The following UPF3B variants were observed in gnomAD, a reference collection of about 807,000 sequenced individuals.
The protein encoded by UPF3B is regulator of nonsense transcripts 3B.
In UPF3B, 7 loss-of-function variants were observed where a neutral mutation model predicts 40.3. The observed-to-expected ratio is 0.17, with a 90% confidence interval of 0.10 to 0.33. The LOEUF (loss-of-function observed/expected upper bound fraction) is 0.33. UPF3B is among the 10% of genes least tolerant of loss of function. UPF3B has a pLI of 1.00. For synonymous variants in UPF3B, 117 were observed against 117.3 expected, an observed-to-expected ratio of 1.00 and a Z score of 0.01; for missense variants, 229 against 358.9, an observed-to-expected ratio of 0.64 and a Z score of 2.93.
At chrX:119,851,119 C>A (rs773606530) in intron 3 of UPF3B, among the ~76,000 whole-genome samples, 1 of 112,382 alleles carries the variant, frequency 8.9e-6, no homozygotes, top group Non-Finnish European at 1.9e-5. Context: ...GAACTGTTGG[C>A]TTAATGGATT....
At chrX:119,820,182 C>T (rs1057373609) in intron 4 of UPF3B, among the ~76,000 whole-genome samples, 24 of 111,419 alleles carry the variant, frequency 2.2e-4, no homozygotes, top group African/African-American at 7.5e-4. Flanking sequence ...CTCCCTCTGT[C>T]GCTCAGGCAG....
chrX:119,817,214 C>T (rs973266408), intron 4 of UPF3B, among the ~76,000 whole-genome samples: 2 of 111,461 alleles, frequency 1.8e-5, no homozygotes, highest in East Asian at 2.8e-4. Flanking sequence ...GGTGATCCAC[C>T]GGCCTTGGTA....
intron 5 of UPF3B, among the ~76,000 whole-genome samples, chrX:119,842,640 C>T (rs868119637): frequency 2.6e-4 from 20 of 76,963 alleles, no homozygotes; most frequent in Non-Finnish European, 2.1e-4. Flanking sequence ...AGAGAGAGAG[C>T]GAGCGAGCAA....
intron 5 of UPF3B, among the ~76,000 whole-genome samples, chrX:119,813,177 G>A (rs1204297546): frequency 8.9e-6 from 1 of 111,798 alleles, no homozygotes; most frequent in African/African-American, 3.2e-5. Context: ...AAAGCTCAAG[G>A]ATGTTGTCTA....
At chrX:119,840,714 G>A (rs2056151036) in intron 7 of UPF3B, 30 bp from the exon 8 acceptor site, 2 of 1,172,977 alleles carry the variant, frequency 1.7e-6, no homozygotes, top group Non-Finnish European at 2.3e-6. Flanking sequence ...AACAGATGAG[G>A]TAACTTCATG....
chrX:119,839,355 A>G (rs1366588517), intron 8 of UPF3B, among the ~76,000 whole-genome samples: 1 of 112,501 alleles, frequency 8.9e-6, no homozygotes, highest in Non-Finnish European at 1.9e-5. Context: ...GAGATTAATA[A>G]CAAGAATTAT....
intron 4 of UPF3B, among the ~76,000 whole-genome samples, chrX:119,844,057 T>C (rs1318991422): frequency 9.0e-6 from 1 of 111,596 alleles, no homozygotes; most frequent in Admixed American, 9.6e-5. Context: ...TTTCTTTCTT[T>C]CTTTTTTTTT....
chrX:119,846,450 C>T (rs1482432660), intron 3 of UPF3B, among the ~76,000 whole-genome samples: 1 of 104,755 alleles, frequency 9.5e-6, no homozygotes, highest in Non-Finnish European at 1.9e-5. Context: ...ATCACTTGAA[C>T]CTGGGAGGCG....
In UPF3B at chrX:119,852,955, G is replaced by C. The variant is rs1467104741; in HGVS notation, c.-27C>G. 1.7e-6 allele frequency: 2 copies of C among 1,210,451 alleles called. No homozygotes were observed. The highest frequency in any genetic ancestry group is 1.7e-5 in the African/African-American group (1 of 57,533). ...GCTACGTCCCCCGCTGAAGCGGCTT[G>C]GCCGGAACGGGGTTACCCCGGGCAC... On this transcript the variant is annotated 5_prime_UTR_variant, in exon 1 of 11. Coordinates refer to ENST00000276201, the MANE Select transcript of UPF3B (RefSeq NM_080632.3).
At chrX:119,829,197 T>G (rs1411245865), downstream of UPF3B, among the ~76,000 whole-genome samples, 1 of 111,863 alleles carries the variant, frequency 8.9e-6, no homozygotes, top group Non-Finnish European at 1.9e-5. Flanking sequence ...AATTTTTGTA[T>G]TTTTAGTAGA....
At chrX:119,806,406 C>G (rs1264436606) in intron 6 of UPF3B, among the ~76,000 whole-genome samples, 12 of 99,646 alleles carry the variant, frequency 1.2e-4, no homozygotes, top group African/African-American at 4.1e-4. Context: ...GTGGGTGCAG[C>G]ACACCAGCAT....
At chrX:119,852,589 G>A (rs751112554) in intron 1 of UPF3B, among the ~76,000 whole-genome samples, 184 bp downstream of exon 1, 6 of 112,651 alleles carry the variant, frequency 5.3e-5, no homozygotes, top group African/African-American at 1.6e-4. Flanking sequence ...CCCCACCCAG[G>A]ATTTGGCCGG....
At chrX:119,815,229 A>T (rs773505978) in exon 5 of UPF3B, 21 of 797,507 alleles carry the variant, frequency 2.6e-5, no homozygotes, top group Non-Finnish European at 2.9e-5. Flanking sequence ...GAATCTCCAG[A>T]CTTGGTTATG....
intron 3 of UPF3B, among the ~76,000 whole-genome samples, chrX:119,847,402 G>A (rs924244279): frequency 2.8e-5 from 3 of 107,207 alleles, no homozygotes; most frequent in East Asian, 5.9e-4. Context: ...AGGGAAGATC[G>A]CGCCATTGTA....
At chrX:119,806,706 A>C (rs1603364597) in intron 6 of UPF3B, among the ~76,000 whole-genome samples, 1 of 111,096 alleles carries the variant, frequency 9.0e-6, no homozygotes, top group East Asian at 2.8e-4. Flanking sequence ...TCCCAAAGTC[A>C]ACAGTTATCA....
chrX:119,820,778 T>C (rs2055909392), intron 4 of UPF3B, among the ~76,000 whole-genome samples: 3 of 111,554 alleles, frequency 2.7e-5, no homozygotes, highest in Non-Finnish European at 3.8e-5. Flanking sequence ...TTCTGTTCTT[T>C]TAAAAATCCA....
At chrX:119,824,764 CTTTT>C (rs11351287) in intron 3 of UPF3B, among the ~76,000 whole-genome samples, 1 of 65,644 alleles carries the variant, frequency 1.5e-5, no homozygotes, top group South Asian at 7.4e-4. Context: ...CCATTTCTTT[CTTTT>C]TTTTTTTTTT....
chrX:119,822,900 GC>G, intron 4 of UPF3B: 1 of 833,759 alleles, frequency 1.2e-6, no homozygotes, highest in Non-Finnish European at 1.5e-6. Flanking sequence ...GAGCCACCAC[GC>G]CCGGCCTCTC....
intron 3 of UPF3B, among the ~76,000 whole-genome samples, chrX:119,850,141 T>C (rs968794754): frequency 5.5e-5 from 6 of 109,652 alleles, no homozygotes; most frequent in African/African-American, 2.0e-4. Flanking sequence ...ATAAAAAATT[T>C]AAAGAAAATT....
Sources: allele counts gnomAD v4.1 joint callset (sites outside exome capture counted in the v4.1 genomes callset), GRCh38; gene constraint gnomAD v4.1.1; transcripts MANE v1.5; gene names NCBI Gene and HGNC (gene_info 2026-07-23, HGNC 2026-07-21).